KCNIP4: variants seen among roughly 807,000 people sequenced by gnomAD.
KCNIP4 encodes the protein Kv channel-interacting protein 4.
In KCNIP4, 12 loss-of-function variants were observed where a neutral mutation model predicts 34.0. That is an observed-to-expected ratio of 0.35 (90% CI 0.23 to 0.57). The LOEUF is 0.57. Among genes scored for constraint, KCNIP4 ranks in the 20% least tolerant of loss-of-function variants. The pLI, the probability that KCNIP4 is intolerant of heterozygous loss-of-function variation, is 0.83. For missense variants in KCNIP4, 238 were observed against 311.7 expected (o/e 0.76, Z 1.78); for synonymous variants, 124 against 102.2 (o/e 1.21, Z -1.29).
At chr4:21,771,998 G>A (rs1392449905) in intron 1 of KCNIP4, among the ~76,000 whole-genome samples, 2 of 152,088 alleles carry the variant, frequency 1.3e-5, no homozygotes, top group Non-Finnish European at 2.9e-5. Flanking sequence ...CTTGTCTTGT[G>A]CCCACTTTCA....
intron 1 of KCNIP4, among the ~76,000 whole-genome samples, chr4:21,333,439 C>A (rs890190975): frequency 2.0e-5 from 3 of 149,422 alleles, no homozygotes; most frequent in African/African-American, 7.4e-5. Flanking sequence ...AGATATATAT[C>A]TATAAATTCA....
intron 1 of KCNIP4, among the ~76,000 whole-genome samples, chr4:20,924,491 G>T (rs915574320): frequency 6.6e-6 from 1 of 152,002 alleles, no homozygotes; most frequent in Non-Finnish European, 1.5e-5. Flanking sequence ...TCAATATATT[G>T]CAATATAAAA....
chr4:20,931,536 A>C (rs1730472467), intron 1 of KCNIP4, among the ~76,000 whole-genome samples: 1 of 152,132 alleles, frequency 6.6e-6, no homozygotes, highest in Non-Finnish European at 1.5e-5. Context: ...TGTACTGAAT[A>C]CTGCACACAA....
At chr4:21,596,952 T>C (rs1742697198) in intron 1 of KCNIP4, among the ~76,000 whole-genome samples, 1 of 152,132 alleles carries the variant, frequency 6.6e-6, no homozygotes, top group African/African-American at 2.4e-5. Flanking sequence ...TTACTTTCTA[T>C]CTGAAGCCTG....
At chr4:20,764,990 T>C (rs1462686142) in intron 3 of KCNIP4, among the ~76,000 whole-genome samples, 3 of 152,194 alleles carry the variant, frequency 2.0e-5, no homozygotes, top group African/African-American at 4.8e-5. Flanking sequence ...TATTTAGACA[T>C]GAGGACAATG....
chr4:21,191,586 G>C (rs2109349079), intron 1 of KCNIP4, among the ~76,000 whole-genome samples: 1 of 152,248 alleles, frequency 6.6e-6, no homozygotes, highest in South Asian at 2.1e-4. Flanking sequence ...AGGCAATGAG[G>C]AGCTGAGGTC....
chr4:21,749,890 C>T (rs1717035467), intron 1 of KCNIP4, among the ~76,000 whole-genome samples: 1 of 152,152 alleles, frequency 6.6e-6, no homozygotes, highest in Non-Finnish European at 1.5e-5. Context: ...TACTTAGAGT[C>T]TAAGTTACTT....
rs181834980 is a variant in KCNIP4 at position 21,352,341 on chromosome 4, T to G, written c.62-469632A>C. Among the ~76,000 whole-genome samples, 905 of 152,248 alleles carry G rather than the reference T, an allele frequency of 5.9e-3. 4 individuals are homozygous for G. Among genetic ancestry groups the G allele is most frequent in the Middle Eastern group, 0.037 (11 of 294 alleles). ...GTGGGACGTCGCCTCACCCAGGAAG[T>G]GCAAGGGGTCAGGAGATTTCCCTTT... On this transcript the variant is annotated intron_variant, in intron 1 of 8. Coordinates refer to ENST00000382152, the MANE Select transcript of KCNIP4 (RefSeq NM_025221.6).
intron 1 of KCNIP4, among the ~76,000 whole-genome samples, chr4:21,080,782 T>C (rs1745936965): frequency 6.6e-6 from 1 of 151,922 alleles, no homozygotes; most frequent in African/African-American, 2.4e-5. Flanking sequence ...ATATCATAGG[T>C]GTTCAATAAA....
intron 3 of KCNIP4, among the ~76,000 whole-genome samples, chr4:20,844,342 C>G (rs1315688103): frequency 6.6e-6 from 1 of 152,168 alleles, no homozygotes; most frequent in Non-Finnish European, 1.5e-5. Context: ...CTGTTCTTAC[C>G]TTAATTCTAA....
intron 1 of KCNIP4, among the ~76,000 whole-genome samples, chr4:21,141,281 T>C (rs1577770375): frequency 6.6e-6 from 1 of 152,084 alleles, no homozygotes; most frequent in Admixed American, 6.6e-5. Flanking sequence ...AAATCTTCAA[T>C]TGGTAAAATA....
chr4:21,111,121 T>C (rs930036922), intron 1 of KCNIP4, among the ~76,000 whole-genome samples: 7 of 152,220 alleles, frequency 4.6e-5, no homozygotes, highest in African/African-American at 1.4e-4. Flanking sequence ...TTGAGAAATA[T>C]TGAATAAAAT....
intron 3 of KCNIP4, among the ~76,000 whole-genome samples, chr4:20,793,070 T>C (rs1712986244): frequency 1.3e-5 from 2 of 152,264 alleles, no homozygotes; most frequent in South Asian, 2.1e-4. Context: ...AATATACACA[T>C]TTACCCAGGG....
chr4:21,371,465 G>A (rs1476619348), intron 1 of KCNIP4, among the ~76,000 whole-genome samples: 3 of 146,796 alleles, frequency 2.0e-5, no homozygotes, highest in African/African-American at 8.2e-5. Context: ...CTGCTTACCA[G>A]GTGCACACTC....
intron 3 of KCNIP4, among the ~76,000 whole-genome samples, chr4:20,839,980 C>T (rs1311292756): frequency 6.6e-6 from 1 of 152,148 alleles, no homozygotes; most frequent in Middle Eastern, 3.2e-3. Context: ...GGGAAAGTGT[C>T]TACCATTCTT....
At chr4:21,479,066 T>C (rs1731216626) in intron 1 of KCNIP4, among the ~76,000 whole-genome samples, 1 of 152,180 alleles carries the variant, frequency 6.6e-6, no homozygotes, top group Non-Finnish European at 1.5e-5. Context: ...TTAAGGTCTC[T>C]TATTATTTCT....
chr4:20,888,783 C>A (rs1725592520), intron 1 of KCNIP4, among the ~76,000 whole-genome samples: 1 of 152,036 alleles, frequency 6.6e-6, no homozygotes, highest in Non-Finnish European at 1.5e-5. Flanking sequence ...TTGTCTTTCT[C>A]CAAATTAAGG....
intron 3 of KCNIP4, among the ~76,000 whole-genome samples, chr4:20,782,436 T>G (rs1466101898): frequency 6.6e-6 from 1 of 152,214 alleles, no homozygotes; most frequent in East Asian, 1.9e-4. Flanking sequence ...AACTTCTGCC[T>G]GGACATCCAG....
intron 1 of KCNIP4, among the ~76,000 whole-genome samples, chr4:21,126,622 A>G (rs1453531689): frequency 5.1e-5 from 7 of 136,660 alleles, no homozygotes; most frequent in Non-Finnish European, 6.5e-5. Context: ...AATAGCAAAA[A>G]AAAAAAAAAA....
Sources: gnomAD v4.1 joint callset for allele counts (sites outside exome capture counted in the v4.1 genomes callset) on GRCh38, gnomAD v4.1.1 for gene constraint, MANE v1.5 for transcripts, NCBI Gene and HGNC (gene_info 2026-07-23, HGNC 2026-07-21) for gene names.